APBB2: variants seen among roughly 807,000 people sequenced by gnomAD.
APBB2 encodes Fe65-like 1.
Under a neutral mutation model 82.5 loss-of-function variants are expected in APBB2, and 38 were observed. The observed-to-expected ratio is 0.46, with a 90% CI of 0.36 to 0.60. The LOEUF is 0.60. Among genes scored for constraint, APBB2 ranks in the 20% least tolerant of loss-of-function variants. The probability of loss-of-function intolerance (pLI) is 0.00; values close to 1 mark genes in which losing one functional copy is unlikely to be tolerated. For synonymous variants in APBB2, 341 were observed against 368.2 expected, an observed-to-expected ratio of 0.93 and a Z score of 0.85; for missense variants, 772 against 972.3, an observed-to-expected ratio of 0.79 and a Z score of 2.74.
At chr4:40,897,699 C>A (rs113050620) in intron 10 of APBB2, among the ~76,000 whole-genome samples, 3,449 of 152,216 alleles carry the variant, frequency 0.023, 117 homozygotes, top group African/African-American at 0.079. Context: ...GTAAGCGGGA[C>A]TAGGCAGCTC....
chr4:40,937,947 A>G (rs1785791049), intron 7 of APBB2, among the ~76,000 whole-genome samples: 1 of 152,270 alleles, frequency 6.6e-6, no homozygotes, highest in Non-Finnish European at 1.5e-5. Context: ...GGTTCTACAG[A>G]AAGTCTGTAT....
intron 12 of APBB2, among the ~76,000 whole-genome samples, chr4:40,869,614 A>C (rs1407767439): frequency 6.6e-6 from 1 of 152,102 alleles, no homozygotes; most frequent in Non-Finnish European, 1.5e-5. Flanking sequence ...AAGAGGCCTA[A>C]AAATAAGGCA....
chr4:41,140,523 C>T (rs1758810228), intron 2 of APBB2, among the ~76,000 whole-genome samples: 1 of 152,184 alleles, frequency 6.6e-6, no homozygotes, highest in African/African-American at 2.4e-5. Context: ...TTTGTTCTTA[C>T]CTCTAGAGAT....
intron 2 of APBB2, among the ~76,000 whole-genome samples, chr4:41,136,561 C>T (rs768360515): frequency 1.3e-5 from 2 of 152,190 alleles, no homozygotes; most frequent in African/African-American, 4.8e-5. Flanking sequence ...AGCTGGTCTA[C>T]TCAGGTTGAA....
chr4:41,134,450 G>T (rs1418643651), intron 2 of APBB2, among the ~76,000 whole-genome samples: 1 of 152,130 alleles, frequency 6.6e-6, no homozygotes, highest in Non-Finnish European at 1.5e-5. Context: ...CAGGCATGGT[G>T]GCGGGTGCCT....
chr4:40,995,241 T>C (rs59892895), intron 6 of APBB2, among the ~76,000 whole-genome samples: 9,441 of 152,240 alleles, frequency 0.062, 988 homozygotes, highest in African/African-American at 0.22. Flanking sequence ...GCACTGAACA[T>C]GCAGTACCAA....
intron 5 of APBB2, among the ~76,000 whole-genome samples, chr4:41,025,640 C>T (rs950516469): frequency 1.3e-5 from 2 of 151,952 alleles, no homozygotes; most frequent in African/African-American, 2.4e-5. Flanking sequence ...AAATGTGGGC[C>T]AGTCATGGTG....
At chr4:41,038,147 A>G (rs2154445789) in intron 4 of APBB2, among the ~76,000 whole-genome samples, 1 of 152,212 alleles carries the variant, frequency 6.6e-6, no homozygotes, top group South Asian at 2.1e-4. Context: ...AGGGATCAAT[A>G]AATATCCAAC....
At position 40,982,420 on chromosome 4, in the gene APBB2, A is replaced by AG. The variant is rs1560449885; in HGVS notation, c.835+31162dup. Among the ~76,000 whole-genome samples, 103 of 119,204 alleles carry AG rather than the reference A, an allele frequency of 8.6e-4. 13 individuals are homozygous for AG. Among genetic ancestry groups the AG allele is most frequent in the African/African-American group, 3.0e-3 (94 of 31,134 alleles). The allele number at this position is 119,204 out of a possible 152,430, so 78.2% of individuals were successfully genotyped here. ...GGAAAGGAAAGAAAGAAAGAAAGAA[A>AG]GAAAGAAAGAAAGAAAGAAAGAAAG... On this transcript the variant is annotated intron_variant, in intron 6 of 17. Transcript: ENST00000508593.
intron 6 of APBB2, among the ~76,000 whole-genome samples, chr4:40,989,182 A>G (rs36012713): frequency 0.28 from 43,328 of 152,098 alleles, 6,829 homozygotes; most frequent in East Asian, 0.54. Flanking sequence ...TATAGGAGGC[A>G]GCTATCCCAT....
In APBB2 at chr4:40,914,832, G is replaced by C. The variant is rs137874210; in HGVS notation, c.1254+19624C>G. On this transcript the variant is annotated intron_variant, in intron 10 of 17. Coordinates refer to ENST00000508593, the MANE Select transcript of APBB2 (RefSeq NM_004307.2). ...ATGGAGGGGCATAGGATAGCAGGGT[G>C]GGGGGTGGTGCTTAATTACTCTTAA... Among the ~76,000 whole-genome samples the C allele has an allele frequency of 1.6e-4, 25 of 152,270 alleles. No individual in the cohort carries two copies. In the East Asian group the frequency reaches 4.4e-3, roughly 27 times the overall value.
chr4:41,209,787 T>C (rs746507948), intron 1 of APBB2, among the ~76,000 whole-genome samples: 4 of 152,206 alleles, frequency 2.6e-5, no homozygotes, highest in Non-Finnish European at 5.9e-5. Context: ...ACAACCATTT[T>C]ATAACAAATG....
At chr4:41,200,525 T>TGCCA (rs2154075937) in intron 1 of APBB2, among the ~76,000 whole-genome samples, 1 of 152,344 alleles carries the variant, frequency 6.6e-6, no homozygotes, top group African/African-American at 2.4e-5. Context: ...ATTTTGAGAC[T>TGCCA]GCCAGTTGCT....
At chr4:41,082,904 T>C (rs1474813780) in intron 3 of APBB2, among the ~76,000 whole-genome samples, 1 of 152,182 alleles carries the variant, frequency 6.6e-6, no homozygotes, top group African/African-American at 2.4e-5. Context: ...GGCTCACTCC[T>C]GTAATCCTAG....
chr4:41,121,254 G>C (rs1265213429), intron 2 of APBB2, among the ~76,000 whole-genome samples: 1 of 152,162 alleles, frequency 6.6e-6, no homozygotes, highest in Non-Finnish European at 1.5e-5. Context: ...TTTAACTCTA[G>C]CATCAGTAAC....
intron 6 of APBB2, among the ~76,000 whole-genome samples, chr4:40,991,537 G>A (rs1802096893): frequency 6.6e-6 from 1 of 151,594 alleles, no homozygotes; most frequent in African/African-American, 2.4e-5. Context: ...AAAAGTACAG[G>A]GGGAAAAAAA....
intron 6 of APBB2, among the ~76,000 whole-genome samples, chr4:40,957,026 G>T (rs1461827301): frequency 1.3e-5 from 2 of 152,158 alleles, no homozygotes; most frequent in African/African-American, 4.8e-5. Flanking sequence ...CCTGCTAGTT[G>T]TGTGACCTCA....
chr4:41,191,232 A>G (rs564650220), intron 1 of APBB2, among the ~76,000 whole-genome samples: 1 of 152,286 alleles, frequency 6.6e-6, no homozygotes, highest in African/African-American at 2.4e-5. Context: ...TCCTTTGTCC[A>G]CTTTAACCAA....
At chr4:40,857,449 C>CTAGG (rs1406841494) in intron 12 of APBB2, among the ~76,000 whole-genome samples, 3 of 152,166 alleles carry the variant, frequency 2.0e-5, no homozygotes, top group African/African-American at 7.2e-5. Context: ...AGTTGATGCT[C>CTAGG]TAGGCCTGCT....
Sources: gnomAD v4.1 joint callset for allele counts (sites outside exome capture counted in the v4.1 genomes callset) on GRCh38, gnomAD v4.1.1 for gene constraint, MANE v1.5 for transcripts, NCBI Gene and HGNC (gene_info 2026-07-23, HGNC 2026-07-21) for gene names.